The following PTPRG variants were observed in gnomAD, a reference collection of about 807,000 sequenced individuals.
PTPRG encodes the protein protein tyrosine phosphatase receptor type G.
In PTPRG, 102 loss-of-function variants were observed where a neutral mutation model predicts 165.3. The observed-to-expected ratio is 0.62, with a 90% CI of 0.53 to 0.73. The LOEUF is 0.73. Ranked by LOEUF, PTPRG falls within the 30% of genes least tolerant of loss-of-function variation. The pLI, the probability that PTPRG is intolerant of heterozygous loss-of-function variation, is 0.00. For synonymous variants in PTPRG, 675 were observed against 669.5 expected (o/e 1.01, Z -0.13); for missense variants, 1,866 against 1,861.4 (o/e 1.00, Z -0.05).
intron 2 of PTPRG, among the ~76,000 whole-genome samples, chr3:61,893,475 C>A (rs1325820222): frequency 1.3e-5 from 2 of 152,170 alleles, no homozygotes; most frequent in Non-Finnish European, 2.9e-5. Context: ...TGATTATTGA[C>A]TGTAGGTGGA....
intron 4 of PTPRG, among the ~76,000 whole-genome samples, chr3:62,051,509 A>G (rs1039556591): frequency 6.6e-6 from 1 of 152,188 alleles, no homozygotes; most frequent in Non-Finnish European, 1.5e-5. Context: ...CTCAAAGCTT[A>G]GGAGGCATGA....
intron 2 of PTPRG, among the ~76,000 whole-genome samples, chr3:61,754,850 A>G (rs1338789397): frequency 1.3e-5 from 2 of 152,218 alleles, no homozygotes; most frequent in Non-Finnish European, 2.9e-5. Flanking sequence ...CATTAGAAGA[A>G]TGGAAGGCAC....
At chr3:61,816,942 T>G (rs2035780364) in intron 2 of PTPRG, among the ~76,000 whole-genome samples, 1 of 144,450 alleles carries the variant, frequency 6.9e-6, no homozygotes, top group Middle Eastern at 3.5e-3. Context: ...CTATGAAGCT[T>G]TTTGGTAGTA....
chr3:61,614,418 CTT>C (rs550755163), intron 1 of PTPRG, among the ~76,000 whole-genome samples: 2,291 of 117,678 alleles, frequency 0.019, 30 homozygotes, highest in Non-Finnish European at 0.027. Flanking sequence ...TTAATAATAC[CTT>C]TTTTTTTTTT....
intron 1 of PTPRG, among the ~76,000 whole-genome samples, chr3:61,747,102 G>A (rs1042282871): frequency 7.0e-6 from 1 of 142,616 alleles, no homozygotes; most frequent in South Asian, 2.3e-4. Flanking sequence ...CAGCCTGTTC[G>A]ACAGAGCAAG....
intron 1 of PTPRG, among the ~76,000 whole-genome samples, chr3:61,587,000 T>C (rs1700449606): frequency 6.6e-6 from 1 of 152,170 alleles, no homozygotes; most frequent in South Asian, 2.1e-4. Flanking sequence ...GATGGCCCAT[T>C]GCAGGGGCCA....
At chr3:61,784,634 C>T (rs1291011198) in intron 2 of PTPRG, among the ~76,000 whole-genome samples, 2 of 152,082 alleles carry the variant, frequency 1.3e-5, no homozygotes, top group Non-Finnish European at 2.9e-5. Context: ...GTATGCATAA[C>T]GCTGGTAGAT....
chr3:61,920,031 C>G (rs530304537), intron 2 of PTPRG, among the ~76,000 whole-genome samples: 1 of 152,304 alleles, frequency 6.6e-6, no homozygotes, highest in East Asian at 1.9e-4. Context: ...TTACCCATAA[C>G]CAGCTACAGA....
intron 26 of PTPRG, among the ~76,000 whole-genome samples, chr3:62,279,863 G>A (rs921635993): frequency 6.6e-6 from 1 of 151,996 alleles, no homozygotes; most frequent in Non-Finnish European, 1.5e-5. Context: ...TTCAATGATA[G>A]TAGCTAGGCA....
intron 2 of PTPRG, among the ~76,000 whole-genome samples, chr3:61,840,752 A>T (rs1332013086): frequency 6.7e-6 from 1 of 150,082 alleles, no homozygotes; most frequent in Admixed American, 6.6e-5. Flanking sequence ...GGATACAGAA[A>T]ATTTCAGATG....
At chr3:62,191,016 A>G (rs928263592) in intron 8 of PTPRG, among the ~76,000 whole-genome samples, 2 of 152,216 alleles carry the variant, frequency 1.3e-5, no homozygotes, top group African/African-American at 4.8e-5. Context: ...AAGCGTCAGA[A>G]TGCTGCAGTG....
chr3:62,231,154 A>G (rs2106921578), intron 13 of PTPRG, 71 bp from the exon 14 acceptor site: 2 of 1,208,096 alleles, frequency 1.7e-6, no homozygotes, highest in Middle Eastern at 2.1e-4. Context: ...GGGCATTTGT[A>G]TGCAACTCTT....
intron 2 of PTPRG, among the ~76,000 whole-genome samples, chr3:61,889,688 C>T (rs925380368): frequency 6.6e-6 from 1 of 152,058 alleles, no homozygotes; most frequent in African/African-American, 2.4e-5. Context: ...TGGAATCTTC[C>T]TGTAGGTGGA....
At chr3:61,643,212 C>T (rs1702109883) in intron 1 of PTPRG, among the ~76,000 whole-genome samples, 2 of 151,956 alleles carry the variant, frequency 1.3e-5, no homozygotes. Flanking sequence ...ATTGCTTGAC[C>T]CCACAAGTTC....
intron 1 of PTPRG, chr3:61,659,180 T>G (rs1702594319): frequency 2.0e-6 from 1 of 505,556 alleles, no homozygotes; most frequent in East Asian, 1.5e-4. Flanking sequence ...CTGATGAACA[T>G]CAGACAGGAT....
At chr3:62,005,970 T>G (rs978029821) in intron 4 of PTPRG, among the ~76,000 whole-genome samples, 1 of 152,156 alleles carries the variant, frequency 6.6e-6, no homozygotes, top group Non-Finnish European at 1.5e-5. Context: ...CCCAAAGTGT[T>G]GGGATTACAG....
At chr3:61,943,100 A>G (rs1400021484) in intron 2 of PTPRG, among the ~76,000 whole-genome samples, 1 of 152,180 alleles carries the variant, frequency 6.6e-6, no homozygotes, top group African/African-American at 2.4e-5. Flanking sequence ...TGTTTTCATG[A>G]CAACTTTTTT....
chr3:61,666,166 G>T (rs968216696), intron 1 of PTPRG, among the ~76,000 whole-genome samples: 1 of 152,148 alleles, frequency 6.6e-6, no homozygotes, highest in East Asian at 1.9e-4. Context: ...CCAGATGCTC[G>T]ATAAAAACCT....
chr3:61,981,001 A>G (rs1225542811), intron 2 of PTPRG, among the ~76,000 whole-genome samples: 1 of 152,214 alleles, frequency 6.6e-6, no homozygotes, highest in African/African-American at 2.4e-5. Flanking sequence ...GCTGCTGTGA[A>G]GAAATACTTG....
Sources: allele counts gnomAD v4.1 joint callset (sites outside exome capture counted in the v4.1 genomes callset), GRCh38; gene constraint gnomAD v4.1.1; transcripts MANE v1.5; gene names NCBI Gene and HGNC (gene_info 2026-07-23, HGNC 2026-07-21).